PLAC1: variants seen among roughly 807,000 people sequenced by gnomAD.
PLAC1 encodes the protein placenta associated 1.
For synonymous variants in PLAC1, 68 were observed against 62.1 expected (o/e 1.09, Z -0.44); for missense variants, 136 against 163.2 (o/e 0.83, Z 0.91).
intron 1 of PLAC1, among the ~76,000 whole-genome samples, chrX:134,619,378 C>T (rs1034613151): frequency 5.4e-5 from 6 of 111,899 alleles, no homozygotes; most frequent in African/African-American, 9.7e-5. Flanking sequence ...TCTGGCTGGA[C>T]GCGGTGGCTC....
intron 2 of PLAC1, among the ~76,000 whole-genome samples, chrX:134,575,909 CATAT>C (rs975804703): frequency 9.3e-6 from 1 of 107,985 alleles, no homozygotes; most frequent in Non-Finnish European, 1.9e-5. Flanking sequence ...TAAAATACAC[CATAT>C]ATAATGTTAA....
chrX:134,633,146 C>T (rs2078269729), intron 1 of PLAC1, among the ~76,000 whole-genome samples: 1 of 111,536 alleles, frequency 9.0e-6, no homozygotes, highest in South Asian at 3.8e-4. Flanking sequence ...GTCTTGTCTC[C>T]CCCTAGCACT....
chrX:134,706,365 G>A (rs1426922945), intron 2 of PLAC1, among the ~76,000 whole-genome samples: 1 of 112,008 alleles, frequency 8.9e-6, no homozygotes, highest in East Asian at 2.8e-4. Context: ...TGACAGTAGC[G>A]ACCACATAGG....
Position 134,726,684 on chromosome X carries a change from G to A in PLAC1, n.174+6751C>T, listed in dbSNP as rs989393875. ...CTAAAATACAGAAAATTATCTGGGC[G>A]TGGTGGCATGCGCCTGTAGTCCCAG... is the stretch of plus-strand genomic sequence containing the variant. On this transcript the variant is annotated intron_variant and non_coding_transcript_variant, in intron 2 of 2. Transcript: ENST00000466797. 7.3e-5 allele frequency among the ~76,000 whole-genome samples: 8 copies of A among 109,106 alleles called. No homozygotes were observed. In the East Asian group the frequency reaches 1.2e-3, roughly 16 times the overall value. The allele number at this position is 109,106 out of a possible 115,157, so 94.7% of individuals were successfully genotyped here.
chrX:134,699,285 G>C (rs2078574734), intron 2 of PLAC1, among the ~76,000 whole-genome samples: 1 of 111,260 alleles, frequency 9.0e-6, no homozygotes, highest in South Asian at 3.8e-4. Flanking sequence ...TTCAAAAAAG[G>C]GCTCGATAGA....
At chrX:134,610,979 C>T (rs1196513921) in intron 1 of PLAC1, among the ~76,000 whole-genome samples, 1 of 110,787 alleles carries the variant, frequency 9.0e-6, no homozygotes, top group Non-Finnish European at 1.9e-5. Context: ...TATAGGTGTG[C>T]ATCCTCCTAC....
intron 1 of PLAC1, among the ~76,000 whole-genome samples, chrX:134,624,031 C>T (rs1167031934): frequency 4.5e-5 from 5 of 111,833 alleles, no homozygotes; most frequent in Admixed American, 3.8e-4. Context: ...CCAAGTCCTT[C>T]GTGTTACATA....
At chrX:134,761,845 T>G (rs1262081486) in intron 1 of PLAC1, among the ~76,000 whole-genome samples, 2 of 112,384 alleles carry the variant, frequency 1.8e-5, no homozygotes, top group East Asian at 2.8e-4. Flanking sequence ...AACATTTACT[T>G]GTGTATACTA....
chrX:134,749,503 C>G (rs367668416), intron 1 of PLAC1, among the ~76,000 whole-genome samples: 5 of 111,708 alleles, frequency 4.5e-5, no homozygotes, highest in East Asian at 2.8e-4. Context: ...CAAATGCCTA[C>G]ACAGAAATAT....
At chrX:134,742,754 C>T (rs1166133715) in intron 1 of PLAC1, among the ~76,000 whole-genome samples, 1 of 110,603 alleles carries the variant, frequency 9.0e-6, no homozygotes, top group Non-Finnish European at 1.9e-5. Flanking sequence ...ACTCCTCTGT[C>T]CCCTCCTGCA....
intron 2 of PLAC1, among the ~76,000 whole-genome samples, chrX:134,577,146 TAGAA>T (rs2077943387): frequency 8.9e-6 from 1 of 112,000 alleles, no homozygotes; most frequent in South Asian, 3.7e-4. Context: ...GACAAAAACT[TAGAA>T]AGAAAGGGGC....
At chrX:134,596,420 C>G (rs1174522525) in intron 2 of PLAC1, among the ~76,000 whole-genome samples, 1 of 111,684 alleles carries the variant, frequency 9.0e-6, no homozygotes, top group Non-Finnish European at 1.9e-5. Context: ...TTTCCTTCAT[C>G]TGAGAATGTC....
At chrX:134,654,229 C>T (rs780720010) in intron 1 of PLAC1, among the ~76,000 whole-genome samples, 1 of 112,110 alleles carries the variant, frequency 8.9e-6, no homozygotes, top group South Asian at 3.8e-4. Context: ...AGGCCTTTAA[C>T]TAGCACCATT....
rs1183307681 is a variant in PLAC1 at position 134,682,017 on chromosome X, T to C, written n.174+51418A>G. 2.7e-5 allele frequency among the ~76,000 whole-genome samples: 3 copies of C among 111,853 alleles called. No homozygotes were observed. In the Admixed American group the frequency reaches 2.8e-4, roughly 11 times the overall value. On this transcript the variant is annotated intron_variant and non_coding_transcript_variant, in intron 2 of 2. Transcript: ENST00000466797. ...TGCTCCATTGTAGGCTTATTTATTATTGTTGTTAGGGTTGTAATTTCAAAG... is the reference window on the plus strand; with the variant it reads ...TGCTCCATTGTAGGCTTATTTATTACTGTTGTTAGGGTTGTAATTTCAAAG...
At chrX:134,675,413 C>G (rs1440417712) in intron 2 of PLAC1, among the ~76,000 whole-genome samples, 1 of 112,408 alleles carries the variant, frequency 8.9e-6, no homozygotes, top group East Asian at 2.8e-4. Flanking sequence ...CGCCTGTAAT[C>G]CCAGCATTTC....
intron 2 of PLAC1, among the ~76,000 whole-genome samples, chrX:134,701,089 A>C (rs770867576): frequency 8.9e-6 from 1 of 112,106 alleles, no homozygotes; most frequent in South Asian, 3.8e-4. Flanking sequence ...AAAAACAGAC[A>C]CATAGATCAA....
intron 1 of PLAC1, among the ~76,000 whole-genome samples, chrX:134,617,283 C>A (rs1232798953): frequency 1.8e-5 from 2 of 112,091 alleles, no homozygotes; most frequent in African/African-American, 6.5e-5. Flanking sequence ...GCCACCATGC[C>A]TGGCCTACTT....
chrX:134,585,203 G>T (rs868520907), intron 2 of PLAC1, among the ~76,000 whole-genome samples: 1 of 89,461 alleles, frequency 1.1e-5, no homozygotes. Context: ...AAAAAAAGCC[G>T]GGCATGGTGG....
At chrX:134,699,370 C>T (rs765028720) in intron 2 of PLAC1, among the ~76,000 whole-genome samples, 62 of 111,758 alleles carry the variant, frequency 5.5e-4, no homozygotes, top group Admixed American at 3.4e-3. Context: ...CCAGAGGATG[C>T]AGCAATAAGG....
Sources: gnomAD v4.1 joint callset for allele counts (sites outside exome capture counted in the v4.1 genomes callset) on GRCh38, gnomAD v4.1.1 for gene constraint, MANE v1.5 for transcripts, NCBI Gene and HGNC (gene_info 2026-07-23, HGNC 2026-07-21) for gene names.